Variants in FTO observed in about 807,000 individuals in gnomAD.
FTO encodes alpha-ketoglutarate-dependent dioxygenase FTO.
Under a neutral mutation model 63.9 loss-of-function variants are expected in FTO, and 47 were observed. The observed-to-expected ratio is 0.74, with a 90% CI of 0.58 to 0.94. The LOEUF is 0.94. Among genes scored for constraint, FTO ranks in the 40% least tolerant of loss-of-function variants. The pLI, the probability that FTO is intolerant of heterozygous loss-of-function variation, is 0.00. For missense variants in FTO, 562 were observed against 618.1 expected (o/e 0.91, Z 0.96); for synonymous variants, 207 against 224.4 (o/e 0.92, Z 0.69).
At chr16:53,991,094 T>C (rs1402955987) in intron 8 of FTO, 3 of 152,200 alleles carry the variant, frequency 2.0e-5, no homozygotes. Flanking sequence ...TGTGGAATTT[T>C]CATGGCAACA....
chr16:54,074,322 T>C (rs970061264), intron 8 of FTO, among the ~76,000 whole-genome samples: 29 of 152,222 alleles, frequency 1.9e-4, no homozygotes, highest in African/African-American at 6.8e-4. Flanking sequence ...ATTAAAGACA[T>C]GTTTTGAAAA....
intron 8 of FTO, among the ~76,000 whole-genome samples, chr16:53,938,106 C>T (rs74644894): frequency 0.026 from 3,896 of 152,200 alleles, 156 homozygotes; most frequent in African/African-American, 0.088. Flanking sequence ...AGAGAAAATG[C>T]TTTTCCAAAA....
In FTO at chr16:53,816,651, C is replaced by T. The variant is rs1598737087; in HGVS notation, c.123+6434C>T. ...ATCTGCAGATATTGTATCCTTGTTT[C>T]TTGCTTTCTTCTGCTCTGATGTCAC... is the stretch of plus-strand genomic sequence containing the variant. On this transcript the variant is annotated intron_variant, in intron 2 of 8. Coordinates refer to ENST00000471389, the MANE Select transcript of FTO (RefSeq NM_001080432.3). Among the ~76,000 whole-genome samples the T allele has an allele frequency of 3.9e-5, 6 of 152,280 alleles. 2 individuals are homozygous for T. Among genetic ancestry groups the T allele is most frequent in the Admixed American group, 3.9e-4 (6 of 15,290 alleles).
intron 8 of FTO, among the ~76,000 whole-genome samples, chr16:53,949,506 G>T (rs977094372): frequency 1.3e-5 from 2 of 152,140 alleles, no homozygotes; most frequent in Admixed American, 6.5e-5. Flanking sequence ...TTTCATAAGG[G>T]TTCTTAGAAT....
chr16:53,920,925 A>G (rs1237462116), intron 7 of FTO, among the ~76,000 whole-genome samples: 1 of 152,070 alleles, frequency 6.6e-6, no homozygotes, highest in Non-Finnish European at 1.5e-5. Context: ...TAAAATTTCC[A>G]CTAGGGCTTT....
intron 7 of FTO, among the ~76,000 whole-genome samples, chr16:53,904,362 C>G (rs963527162): frequency 6.6e-6 from 1 of 152,150 alleles, no homozygotes; most frequent in Admixed American, 6.5e-5. Context: ...CTCTTAATTG[C>G]TATAATAATC....
At chr16:53,746,232 G>T (rs1418640300) in intron 1 of FTO, among the ~76,000 whole-genome samples, 2 of 152,170 alleles carry the variant, frequency 1.3e-5, no homozygotes, top group Non-Finnish European at 2.9e-5. Flanking sequence ...GACATTAGGA[G>T]CTAGTGTGCC....
chr16:54,025,252 A>G (rs1324344561), intron 8 of FTO, among the ~76,000 whole-genome samples: 1 of 152,236 alleles, frequency 6.6e-6, no homozygotes, highest in Non-Finnish European at 1.5e-5. Flanking sequence ...TAGAAGATAG[A>G]GAAATGGAGG....
At chr16:53,967,033 C>T (rs942206433) in intron 8 of FTO, among the ~76,000 whole-genome samples, 4 of 152,166 alleles carry the variant, frequency 2.6e-5, no homozygotes, top group African/African-American at 9.7e-5. Context: ...CAGTTCTTGG[C>T]TGGATGAGTC....
intron 4 of FTO, among the ~76,000 whole-genome samples, chr16:53,845,271 G>C (rs1340686673): frequency 6.6e-6 from 1 of 152,126 alleles, no homozygotes; most frequent in African/African-American, 2.4e-5. Context: ...TGCTTTTGGA[G>C]CCAGGAAGAA....
At chr16:53,914,132 T>G (rs960315238) in intron 7 of FTO, among the ~76,000 whole-genome samples, 1 of 152,198 alleles carries the variant, frequency 6.6e-6, no homozygotes, top group Admixed American at 6.5e-5. Context: ...AGCCTTTTGC[T>G]GACTCGAAGA....
intron 7 of FTO, among the ~76,000 whole-genome samples, chr16:53,904,670 G>GA (rs1433890842): frequency 1.3e-5 from 2 of 152,162 alleles, no homozygotes; most frequent in African/African-American, 4.8e-5. Context: ...AAGGTGAAGG[G>GA]AGGGCTCCCC....
intron 8 of FTO, among the ~76,000 whole-genome samples, chr16:54,090,408 G>T (rs952052667): frequency 1.3e-5 from 2 of 152,132 alleles, no homozygotes; most frequent in South Asian, 2.1e-4. Flanking sequence ...TGCCTAACAC[G>T]TACAGCATTT....
chr16:53,868,209 T>G (rs1472033467), intron 4 of FTO, among the ~76,000 whole-genome samples: 1 of 152,210 alleles, frequency 6.6e-6, no homozygotes, highest in Admixed American at 6.5e-5. Flanking sequence ...ACACTTGGAT[T>G]AATATCTACC....
intron 8 of FTO, among the ~76,000 whole-genome samples, chr16:54,024,710 T>A (rs189595692): frequency 5.6e-4 from 85 of 152,344 alleles, no homozygotes; most frequent in African/African-American, 1.8e-3. Flanking sequence ...AATGCTTAAC[T>A]CATAGGTTAT....
intron 1 of FTO, among the ~76,000 whole-genome samples, chr16:53,806,337 C>A (rs924320727): frequency 3.9e-5 from 6 of 152,076 alleles, no homozygotes; most frequent in Admixed American, 1.3e-4. Context: ...GTGCAAAAAT[C>A]AAAACAATAT....
chr16:53,862,779 A>G (rs1457370196), intron 4 of FTO, among the ~76,000 whole-genome samples: 1 of 151,994 alleles, frequency 6.6e-6, no homozygotes, highest in Non-Finnish European at 1.5e-5. Context: ...GACTGGCCTT[A>G]AGTAATCCAT....
rs369071302 is a variant in FTO, at chr16:54,072,693, C to T, written c.1365-39069C>T. 2.6e-5 allele frequency among the ~76,000 whole-genome samples: 4 copies of T among 152,090 alleles called. No homozygotes were observed. The East Asian group carries it at 5.8e-4, about 22-fold the overall frequency. On this transcript the variant is annotated intron_variant, in intron 8 of 8. Transcript: ENST00000471389. ...AAGGCTGACTGTTCGTGTTCCTTTC[C>T]CCAGGCTGTAGTTTTGTGCCCCGCC... is the stretch of plus-strand genomic sequence containing the variant.
At chr16:54,020,040 C>T in intron 8 of FTO, among the ~76,000 whole-genome samples, 1 of 151,512 alleles carries the variant, frequency 6.6e-6, no homozygotes, top group South Asian at 2.1e-4. Flanking sequence ...AGTTATTTTC[C>T]CACTAATTGT....
Sources: gnomAD v4.1 joint callset for allele counts (sites outside exome capture counted in the v4.1 genomes callset) on GRCh38, gnomAD v4.1.1 for gene constraint, MANE v1.5 for transcripts, NCBI Gene and HGNC (gene_info 2026-07-23, HGNC 2026-07-21) for gene names.